The following IKZF1 variants were observed in gnomAD, a reference collection of about 807,000 sequenced individuals.
IKZF1 encodes the protein IKAROS family zinc finger 1.
A neutral mutation model predicts 51.7 loss-of-function variants in IKZF1; 10 were observed. That is an observed-to-expected ratio of 0.19 (90% CI 0.12 to 0.33). The LOEUF (loss-of-function observed/expected upper bound fraction) is 0.33. IKZF1 is among the 10% of genes least tolerant of loss of function. The pLI is 1.00. For missense variants in IKZF1, 484 were observed against 707.5 expected (o/e 0.68, Z 3.58); for synonymous variants, 280 against 282.3 (o/e 0.99, Z 0.08).
In IKZF1 at chr7:50,393,197, G is replaced by A. The variant is rs147377110; in HGVS notation, c.850+1334G>A. ...TCAGAGGAACATAGGGCTGGGGGCA[G>A]GGATTAGGTGAGGGAAACCATGAGT... On this transcript the variant is annotated intron_variant, in intron 7 of 7. Transcript: ENST00000331340. Among the ~76,000 whole-genome samples the A allele has an allele frequency of 4.6e-3, 698 of 152,294 alleles. 3 individuals are homozygous for A. The highest frequency in any genetic ancestry group is 7.6e-3 in the Non-Finnish European group (520 of 68,016).
chr7:50,329,298 A>G (rs1478506878), intron 3 of IKZF1, among the ~76,000 whole-genome samples: 2 of 152,154 alleles, frequency 1.3e-5, no homozygotes, highest in Non-Finnish European at 2.9e-5. Context: ...AATGGCTACT[A>G]TATGTGGAAA....
At chr7:50,334,591 T>C (rs971318831) in intron 3 of IKZF1, among the ~76,000 whole-genome samples, 10 of 150,484 alleles carry the variant, frequency 6.6e-5, no homozygotes, top group South Asian at 2.2e-4. Flanking sequence ...GGTGTGTGTA[T>C]ATGAATGGGA....
intron 3 of IKZF1, among the ~76,000 whole-genome samples, chr7:50,355,955 T>C (rs1803242047): frequency 6.6e-6 from 1 of 152,172 alleles, no homozygotes; most frequent in Non-Finnish European, 1.5e-5. Flanking sequence ...GCTCCTTCAG[T>C]GGGGATGTCT....
In IKZF1 at chr7:50,327,659, G is replaced by T. The variant is rs1795401260; in HGVS notation, c.62G>T (p.Ser21Ile). Residue 21 changes from serine (S) to isoleucine (I), a missense_variant, in exon 3 of 8, where the codon AGC becomes ATC. Physicochemically the swap from Ser to Ile is moderately radical, Grantham distance 142 (BLOSUM62 -2). Around this residue, in one of 6 missense-constraint regions of IKZF1, gnomAD observed 118 missense variants for 138.4 expected, o/e 0.85. Coordinates refer to ENST00000331340, the MANE Select transcript of IKZF1 (RefSeq NM_006060.6). ...QVSGKESPPV[S>I]DTPDEGDEPM... Reference sequence around the variant, plus strand: ...TCAGGGAAGGAAAGCCCCCCTGTAAGCGATACTCCAGATGAGGGCGATGAG... The same window carrying T: ...TCAGGGAAGGAAAGCCCCCCTGTAATCGATACTCCAGATGAGGGCGATGAG... 1 of 1,613,026 alleles carries T rather than the reference G, an allele frequency of 6.2e-7. No individual in the cohort carries two copies. Among genetic ancestry groups the T allele is most frequent in the Non-Finnish European group, 8.5e-7 (1 of 1,179,532 alleles).
intron 3 of IKZF1, among the ~76,000 whole-genome samples, chr7:50,337,951 G>A (rs1168110143): frequency 2.6e-5 from 4 of 152,094 alleles, no homozygotes; most frequent in African/African-American, 4.8e-5. Context: ...CAGTTAGCCC[G>A]GACACATTCG....
intron 3 of IKZF1, chr7:50,368,609 G>A (rs1362120307): frequency 6.8e-6 from 3 of 443,072 alleles, no homozygotes; most frequent in African/African-American, 6.0e-5. Flanking sequence ...GGTGCCCGCA[G>A]GACCTTCTCT....
chr7:50,387,861 AT>A (rs1297268215), intron 6 of IKZF1, among the ~76,000 whole-genome samples: 2 of 152,196 alleles, frequency 1.3e-5, no homozygotes, highest in African/African-American at 4.8e-5. Context: ...TTTTGAAACA[AT>A]TTTTTAACAA....
rs79893135 is a variant in IKZF1, at chr7:50,397,798, C to A, written c.851-2120C>A. On this transcript the variant is annotated intron_variant, in intron 7 of 7. Coordinates refer to ENST00000331340, the MANE Select transcript of IKZF1 (RefSeq NM_006060.6). ...GAAACACCACTTCTTTGGTCCCTAC[C>A]ATCAGCTTCATAGGGTTTTCATCCT... Among the ~76,000 whole-genome samples the A allele has an allele frequency of 6.2e-3, 947 of 152,262 alleles. 7 individuals are homozygous for A. Among genetic ancestry groups the A allele is most frequent in the African/African-American group, 0.017 (698 of 41,548 alleles).
At chr7:50,368,628 C>A in intron 3 of IKZF1, 1 of 362,984 alleles carries the variant, frequency 2.8e-6, no homozygotes, top group East Asian at 4.1e-5. Flanking sequence ...CTGATCTGAG[C>A]TGTTAAACCA....
rs1250925266 is a variant in IKZF1, at chr7:50,404,917, G to A, written c.*4290G>A. 9.3e-6 allele frequency: 2 copies of A among 215,658 alleles called. No homozygotes were observed. The highest frequency in any genetic ancestry group is 4.5e-5 in the African/African-American group (2 of 44,290). 13.4% of individuals were successfully genotyped at this position (215,658 alleles called of 1,614,324 possible). A position where few individuals can be genotyped will look rare whatever the true frequency, so the allele number is the denominator to read the frequency against. Reference sequence around the variant, plus strand: ...CTGCCTGCATTGCACTTCTCTTCCCGAGGAGTGGGGTAAATTTAAAAGTCA... The same window carrying A: ...CTGCCTGCATTGCACTTCTCTTCCCAAGGAGTGGGGTAAATTTAAAAGTCA... On this transcript the variant is annotated 3_prime_UTR_variant, in exon 8 of 8. Coordinates refer to ENST00000331340, the MANE Select transcript of IKZF1 (RefSeq NM_006060.6).
At chr7:50,307,749 G>T (rs893783750) in intron 1 of IKZF1, among the ~76,000 whole-genome samples, 4 of 152,142 alleles carry the variant, frequency 2.6e-5, no homozygotes, top group East Asian at 1.9e-4. Context: ...GTACATTTTT[G>T]ATCTAGGTCT....
intron 3 of IKZF1, among the ~76,000 whole-genome samples, chr7:50,335,454 G>A (rs1797482182): frequency 8.4e-6 from 1 of 119,306 alleles, no homozygotes. Context: ...TGTGTGTGTG[G>A]TGTGTATGTG....
chr7:50,337,491 A>T (rs1013111075), intron 3 of IKZF1, among the ~76,000 whole-genome samples: 1 of 152,082 alleles, frequency 6.6e-6, no homozygotes, highest in Non-Finnish European at 1.5e-5. Flanking sequence ...CGTTCTCAGC[A>T]CTGTTGCTCC....
chr7:50,384,195 C>A (rs192969791), intron 5 of IKZF1, among the ~76,000 whole-genome samples: 9 of 152,300 alleles, frequency 5.9e-5, no homozygotes, highest in Admixed American at 3.9e-4. Context: ...CGGCAGTAAT[C>A]CCAGAGAGGG....
intron 3 of IKZF1, among the ~76,000 whole-genome samples, chr7:50,335,940 C>T (rs998431429): frequency 1.3e-5 from 2 of 151,980 alleles, no homozygotes; most frequent in Non-Finnish European, 2.9e-5. Context: ...CCCCCTCACC[C>T]GATCCTGGCT....
At chr7:50,384,104 AAGGG>A (rs1342490262) in intron 5 of IKZF1, among the ~76,000 whole-genome samples, 1 of 152,146 alleles carries the variant, frequency 6.6e-6, no homozygotes, top group African/African-American at 2.4e-5. Flanking sequence ...CTTCCCATAG[AAGGG>A]AGGGGCTTCT....
intron 1 of IKZF1, among the ~76,000 whole-genome samples, chr7:50,315,599 C>T (rs1413565558): frequency 1.3e-5 from 2 of 152,296 alleles, no homozygotes; most frequent in Middle Eastern, 3.4e-3. Flanking sequence ...TTTTTACTAT[C>T]GCTTCTTTTA....
At chr7:50,352,839 C>T (rs1195506711) in intron 3 of IKZF1, among the ~76,000 whole-genome samples, 2 of 152,206 alleles carry the variant, frequency 1.3e-5, no homozygotes, top group African/African-American at 4.8e-5. Context: ...ACTTGGCCCT[C>T]AGCCATGACA....
intron 3 of IKZF1, among the ~76,000 whole-genome samples, chr7:50,372,848 T>C (rs1392684614): frequency 2.0e-5 from 3 of 152,222 alleles, no homozygotes; most frequent in Non-Finnish European, 2.9e-5. Context: ...GACTAGGAGT[T>C]TGAAAACATC....
Sources: allele counts gnomAD v4.1 joint callset (sites outside exome capture counted in the v4.1 genomes callset), GRCh38; gene constraint gnomAD v4.1.1; regional missense constraint gnomAD v4.1.1; transcripts MANE v1.5; gene names NCBI Gene and HGNC (gene_info 2026-07-23, HGNC 2026-07-21).